MBOAT1: variants seen among roughly 807,000 people sequenced by gnomAD.
The protein encoded by MBOAT1 is membrane bound glycerophospholipid O-acyltransferase 1, also known as membrane-bound glycerophospholipid O-acyltransferase 1.
MBOAT1 carries 67 observed loss-of-function variants against 64.4 expected under a neutral mutation model. The ratio of observed to expected loss-of-function variants is 1.04; its 90% CI spans 0.85 to 1.27. The LOEUF is 1.27. MBOAT1 is among the 50% of genes most tolerant of loss of function. The probability of loss-of-function intolerance (pLI) is 0.00; values close to 1 mark genes in which losing one functional copy is unlikely to be tolerated. For synonymous variants in MBOAT1, 229 were observed against 218.9 expected (o/e 1.05, Z -0.41); for missense variants, 563 against 604.6 (o/e 0.93, Z 0.72).
Position 20,102,121 on chromosome 6 carries a change from A to C in MBOAT1, c.*165T>G. 2 of 166,210 alleles carry C rather than the reference A, an allele frequency of 1.2e-5. No homozygotes were observed. The highest frequency in any genetic ancestry group is 1.7e-4 in the South Asian group (1 of 5,996). 10.3% of individuals were successfully genotyped at this position (166,210 alleles called of 1,614,324 possible). On this transcript the variant is annotated 3_prime_UTR_variant, in exon 13 of 13. Transcript: ENST00000324607. Reference sequence around the variant, plus strand: ...CAGAGCGAGACTCCGTCTCAAAAAAAAAAAAAAAAAAAAAAAAAAAAAAAT... The same window carrying C: ...CAGAGCGAGACTCCGTCTCAAAAAACAAAAAAAAAAAAAAAAAAAAAAAAT...
intron 3 of MBOAT1, among the ~76,000 whole-genome samples, chr6:20,149,592 A>G (rs1761429933): frequency 1.3e-5 from 2 of 152,330 alleles, no homozygotes; most frequent in East Asian, 3.9e-4. Context: ...TCCAAATTAG[A>G]AAAATGGATT....
intron 1 of MBOAT1, 126 bp downstream of exon 1, chr6:20,212,010 C>A: frequency 3.2e-5 from 19 of 585,814 alleles, no homozygotes; most frequent in Non-Finnish European, 4.6e-5. Flanking sequence ...ACACAAAAAC[C>A]AACTGTCTAG....
intron 1 of MBOAT1, among the ~76,000 whole-genome samples, chr6:20,181,781 G>A (rs1189695660): frequency 1.3e-5 from 2 of 152,210 alleles, no homozygotes; most frequent in African/African-American, 4.8e-5. Flanking sequence ...AGTGGAGACT[G>A]TGTTTCCCAA....
At chr6:20,157,233 G>T (rs1761721125) in intron 1 of MBOAT1, among the ~76,000 whole-genome samples, 1 of 152,162 alleles carries the variant, frequency 6.6e-6, no homozygotes, top group Non-Finnish European at 1.5e-5. Context: ...CAAGGTTATG[G>T]AGAGCTATGA....
chr6:20,205,286 T>C (rs1581470024), intron 1 of MBOAT1, among the ~76,000 whole-genome samples: 1 of 152,150 alleles, frequency 6.6e-6, no homozygotes, highest in African/African-American at 2.4e-5. Flanking sequence ...GAATAACTTT[T>C]AGTGCTGTAT....
rs1029161768 is a variant in MBOAT1, at chr6:20,112,763, C to T, written c.1209+113G>A. ...TTGCATATTGTTTGATTTTTCAAAA[C>T]ATCACTCCCACCTTCACATCCCACC... On this transcript the variant is annotated intron_variant, in intron 11 of 12. Coordinates refer to ENST00000324607, the MANE Select transcript of MBOAT1 (RefSeq NM_001080480.3). 7 of 1,180,826 alleles carry T rather than the reference C, an allele frequency of 5.9e-6. No individual in the cohort carries two copies. The Admixed American group carries it at 1.5e-4, about 25-fold the overall frequency. 73.1% of individuals were successfully genotyped at this position (1,180,826 alleles called of 1,614,324 possible).
chr6:20,170,216 C>G (rs1762151865), intron 1 of MBOAT1, among the ~76,000 whole-genome samples: 1 of 152,206 alleles, frequency 6.6e-6, no homozygotes, highest in African/African-American at 2.4e-5. Flanking sequence ...GTTTCTCGCT[C>G]CTATGCCTCC....
At chr6:20,152,839 T>G (rs1421849354) in intron 1 of MBOAT1, 70 bp from the exon 2 acceptor site, 1 of 1,513,014 alleles carries the variant, frequency 6.6e-7, no homozygotes, top group Non-Finnish European at 8.9e-7. Flanking sequence ...TTGTTTTGTT[T>G]TGTTTTGTTT....
At position 20,109,112 on chromosome 6, in the gene MBOAT1, G is replaced by A. The variant is rs77056077; in HGVS notation, c.1361+486C>T. Among the ~76,000 whole-genome samples the A allele has an allele frequency of 9.6e-3, 1,454 of 152,182 alleles. 21 individuals carry two copies. The highest frequency in any genetic ancestry group is 0.033 in the African/African-American group (1,351 of 41,512). ...AATTCCACATATACCCCTCCAACACGTGCAACTGGCAACATAAATCCCCCA... is the reference window on the plus strand; with the variant it reads ...AATTCCACATATACCCCTCCAACACATGCAACTGGCAACATAAATCCCCCA... On this transcript the variant is annotated intron_variant, in intron 12 of 12. Transcript: ENST00000324607.
intron 1 of MBOAT1, among the ~76,000 whole-genome samples, chr6:20,189,037 C>CACACACAGAGCCCAGGA (rs1018206825): frequency 2.0e-5 from 3 of 152,074 alleles, no homozygotes; most frequent in Non-Finnish European, 1.5e-5. Flanking sequence ...TAAGAAAGAT[C>CACACACAGAGCCCAGGA]ACACACAGAG....
At chr6:20,166,325 A>G (rs770584422) in intron 1 of MBOAT1, among the ~76,000 whole-genome samples, 8 of 152,134 alleles carry the variant, frequency 5.3e-5, no homozygotes, top group Non-Finnish European at 1.0e-4. Context: ...AGAGAGGTTT[A>G]TCTTTACTCC....
intron 11 of MBOAT1, among the ~76,000 whole-genome samples, chr6:20,111,889 T>TATATACATATATATAC (rs1760181964): frequency 4.6e-5 from 5 of 107,984 alleles, no homozygotes; most frequent in Admixed American, 3.0e-4. Flanking sequence ...TGTATATATA[T>TATATACATATATATAC]ATATTCCAGC....
chr6:20,205,347 T>C (rs1469723855), intron 1 of MBOAT1, among the ~76,000 whole-genome samples: 1 of 152,178 alleles, frequency 6.6e-6, no homozygotes, highest in East Asian at 1.9e-4. Context: ...GCATTCAATG[T>C]ATGGAGTTGT....
intron 4 of MBOAT1, among the ~76,000 whole-genome samples, chr6:20,131,945 TAA>T (rs1341428527): frequency 6.6e-6 from 1 of 151,962 alleles, no homozygotes; most frequent in African/African-American, 2.4e-5. Flanking sequence ...TGCAGTGGCA[TAA>T]ACATGGCTCA....
intron 5 of MBOAT1, among the ~76,000 whole-genome samples, chr6:20,130,709 A>G (rs35350570): frequency 6.6e-6 from 1 of 151,852 alleles, no homozygotes; most frequent in African/African-American, 2.4e-5. Context: ...GCCAAAAAAA[A>G]AAACAAACAA....
At chr6:20,162,974 G>C (rs1389699021) in intron 1 of MBOAT1, among the ~76,000 whole-genome samples, 6 of 152,144 alleles carry the variant, frequency 3.9e-5, no homozygotes, top group Non-Finnish European at 7.4e-5. Flanking sequence ...TATACACTTA[G>C]AGATTAAATT....
At chr6:20,190,036 C>T (rs1329767774) in intron 1 of MBOAT1, among the ~76,000 whole-genome samples, 1 of 151,806 alleles carries the variant, frequency 6.6e-6, no homozygotes, top group East Asian at 1.9e-4. Context: ...ACTCTGTCAC[C>T]CAGGCTGCAG....
chr6:20,183,027 C>G (rs1368248011), intron 1 of MBOAT1, among the ~76,000 whole-genome samples: 1 of 152,122 alleles, frequency 6.6e-6, no homozygotes, highest in East Asian at 1.9e-4. Context: ...ATAAAGTGCT[C>G]TTCAGACAGA....
At chr6:20,168,900 T>TGGGCGGGGCACGGTGGCTCA (rs1189963323) in intron 1 of MBOAT1, among the ~76,000 whole-genome samples, 6 of 149,650 alleles carry the variant, frequency 4.0e-5, no homozygotes, top group Admixed American at 1.3e-4. Context: ...ACAAATATCA[T>TGGGCGGGGCACGGTGGCTCA]CGGGGTTTTC....
Sources: gnomAD v4.1 joint callset for allele counts (sites outside exome capture counted in the v4.1 genomes callset) on GRCh38, gnomAD v4.1.1 for gene constraint, MANE v1.5 for transcripts, NCBI Gene and HGNC (gene_info 2026-07-23, HGNC 2026-07-21) for gene names.